The following USP10 variants were observed in gnomAD, a reference collection of about 807,000 sequenced individuals.
USP10 encodes ubiquitin carboxyl-terminal hydrolase 10.
Under a neutral mutation model 84.5 loss-of-function variants are expected in USP10, and 22 were observed. That is an observed-to-expected ratio of 0.26 (90% CI 0.19 to 0.37). USP10 has a LOEUF of 0.37. USP10 is among the 10% of genes least tolerant of loss of function. The pLI, the probability that USP10 is intolerant of heterozygous loss-of-function variation, is 1.00. For missense variants in USP10, 1,019 were observed against 998.9 expected (o/e 1.02, Z -0.27); for synonymous variants, 454 against 387.6 (o/e 1.17, Z -2.01).
intron 1 of USP10, among the ~76,000 whole-genome samples, chr16:84,703,774 G>A (rs768033312): frequency 1.3e-5 from 2 of 152,080 alleles, no homozygotes; most frequent in Non-Finnish European, 2.9e-5. Flanking sequence ...GCCAGTGGTC[G>A]CCTTAGTGGT....
intron 1 of USP10, among the ~76,000 whole-genome samples, chr16:84,712,843 C>G (rs1045763650): frequency 6.6e-6 from 1 of 152,154 alleles, no homozygotes; most frequent in East Asian, 1.9e-4. Context: ...ATTCCTTGGT[C>G]TCTTTCTCAG....
chr16:84,742,628 T>C lies in USP10; in HGVS notation c.152-2005T>C, dbSNP rs150528668. On this transcript the variant is annotated intron_variant, in intron 3 of 13. Coordinates refer to ENST00000219473, the MANE Select transcript of USP10 (RefSeq NM_005153.3). ...GTTTCCATCTTCCTAATGTATTGATTGGGTTGTTGAAGCCAAGCGTGCAGG... is the reference window on the plus strand; with the variant it reads ...GTTTCCATCTTCCTAATGTATTGATCGGGTTGTTGAAGCCAAGCGTGCAGG... Among the ~76,000 whole-genome samples, 421 of 152,278 alleles carry C rather than the reference T, an allele frequency of 2.8e-3. 3 individuals are homozygous for C. Among genetic ancestry groups the C allele is most frequent in the Non-Finnish European group, 5.0e-3 (338 of 68,020 alleles).
At chr16:84,756,226 C>T (rs542950585) in intron 4 of USP10, among the ~76,000 whole-genome samples, 109 of 152,342 alleles carry the variant, frequency 7.2e-4, no homozygotes, top group Admixed American at 1.3e-3. Context: ...CATCTCTGTG[C>T]CTTCCTTACC....
intron 3 of USP10, among the ~76,000 whole-genome samples, chr16:84,742,535 G>C (rs573038921): frequency 2.0e-4 from 31 of 152,228 alleles, no homozygotes; most frequent in Non-Finnish European, 2.9e-4. Flanking sequence ...GCAGTGAGCA[G>C]CCTTGGAGAA....
At chr16:84,754,105 G>C (rs1388661450) in intron 4 of USP10, among the ~76,000 whole-genome samples, 1 of 152,166 alleles carries the variant, frequency 6.6e-6, no homozygotes, top group Non-Finnish European at 1.5e-5. Context: ...GGAGCCTCCT[G>C]TCCAGAGAAG....
intron 4 of USP10, among the ~76,000 whole-genome samples, chr16:84,751,989 G>C (rs1203920904): frequency 6.6e-6 from 1 of 152,028 alleles, no homozygotes; most frequent in Non-Finnish European, 1.5e-5. Flanking sequence ...GCTGATTTGT[G>C]GCAGCCCTTG....
chr16:84,709,825 C>G (rs143726886), intron 1 of USP10, among the ~76,000 whole-genome samples: 558 of 152,264 alleles, frequency 3.7e-3, no homozygotes, highest in Admixed American at 6.7e-3. Context: ...GGAACTGTCT[C>G]AAAGCCTGCA....
chr16:84,715,130 A>T (rs2150768882), intron 1 of USP10, among the ~76,000 whole-genome samples: 1 of 152,180 alleles, frequency 6.6e-6, no homozygotes, highest in East Asian at 1.9e-4. Flanking sequence ...GGGTTTCACC[A>T]TATTGGCCGG....
intron 1 of USP10, among the ~76,000 whole-genome samples, chr16:84,724,679 G>T (rs892415775): frequency 6.6e-6 from 1 of 152,180 alleles, no homozygotes; most frequent in Non-Finnish European, 1.5e-5. Flanking sequence ...TCAGCTTGCA[G>T]TTGGCTTGCA....
At chr16:84,702,993 CAAAAAAAAA>C (rs1157728872) in intron 1 of USP10, among the ~76,000 whole-genome samples, 5 of 52,172 alleles carry the variant, frequency 9.6e-5, no homozygotes, top group Non-Finnish European at 1.4e-4. Flanking sequence ...ACTCCCGTCT[CAAAAAAAAA>C]AAAAAAAAAA....
chr16:84,775,289 C>T, intron 13 of USP10, 64 bp downstream of exon 13: 1 of 1,544,686 alleles, frequency 6.5e-7, no homozygotes, highest in Non-Finnish European at 8.9e-7. Context: ...TACAGCTGGG[C>T]ACAGGTTTGC....
intron 2 of USP10, among the ~76,000 whole-genome samples, chr16:84,739,614 A>G (rs1380205371): frequency 1.3e-5 from 2 of 152,202 alleles, no homozygotes; most frequent in African/African-American, 4.8e-5. Context: ...CATTGGAAGC[A>G]TTTCCAACTC....
intron 9 of USP10, 24 bp downstream of exon 9, chr16:84,763,112 A>G (rs774578250): frequency 3.3e-6 from 5 of 1,533,192 alleles, no homozygotes; most frequent in Non-Finnish European, 4.5e-6. Context: ...CACTTGCCGC[A>G]GAGTTGTGCA....
At chr16:84,735,520 C>G (rs577990223) in intron 2 of USP10, among the ~76,000 whole-genome samples, 4 of 152,150 alleles carry the variant, frequency 2.6e-5, no homozygotes, top group South Asian at 2.1e-4. Context: ...CATTTCTTTT[C>G]TCTTTCTTTT....
At position 84,735,196 on chromosome 16, in the gene USP10, GGTGTGTGTGT is replaced by G. The variant is rs34240400; in HGVS notation, c.90+1725_90+1734del. 3.2e-4 allele frequency among the ~76,000 whole-genome samples: 47 copies of G among 146,380 alleles called. 1 individual carries two copies. Among genetic ancestry groups the G allele is most frequent in the Middle Eastern group, 3.5e-3 (1 of 286 alleles). On this transcript the variant is annotated intron_variant, in intron 2 of 13. Transcript: ENST00000219473. ...CAGGTGTGTGCTGCCAGGCCCGGGT[GGTGTGTGTGT>G]GTGTGTGTGTGTGTGTGTGTGTGTG...
chr16:84,740,334 T>A lies in USP10; in HGVS notation c.116T>A (p.Leu39Gln), dbSNP rs1487892371. The change falls in exon 3 of 14, where the codon CTG (leucine) becomes CAG (glutamine). Residue 39 changes from leucine (L) to glutamine (Q), a missense_variant. Leu to Gln is a moderately radical substitution (Grantham distance 113). Transcript: ENST00000219473. ...VELPPYSGTV[L>Q]CGTQAVDKLP... ...CTTCCTCCATACAGTGGAACAGTTC[T>A]GTGTGGCACACAGGCTGTGGATAAA... 3 of 1,613,256 alleles carry A rather than the reference T, an allele frequency of 1.9e-6. No homozygotes were observed. Among genetic ancestry groups the A allele is most frequent in the Non-Finnish European group, 2.5e-6 (3 of 1,179,464 alleles).
chr16:84,730,331 G>C (rs911680495), intron 1 of USP10, among the ~76,000 whole-genome samples: 8 of 151,410 alleles, frequency 5.3e-5, no homozygotes, highest in African/African-American at 1.2e-4. Context: ...GTATTTTGAA[G>C]ATCTCTCGCT....
intron 10 of USP10, among the ~76,000 whole-genome samples, chr16:84,764,955 T>TATATATATA (rs59894880): frequency 1.4e-5 from 2 of 144,198 alleles, no homozygotes; most frequent in African/African-American, 2.6e-5. Context: ...TATATATATA[T>TATATATATA]TAGACTTCAT....
intron 9 of USP10, 65 bp downstream of exon 9, chr16:84,763,153 C>G (rs887881557): frequency 1.0e-6 from 1 of 984,100 alleles, no homozygotes; most frequent in Non-Finnish European, 1.6e-6. Flanking sequence ...GTTGCATACT[C>G]ATATGTTATG....
Sources: allele counts gnomAD v4.1 joint callset (sites outside exome capture counted in the v4.1 genomes callset), GRCh38; gene constraint gnomAD v4.1.1; transcripts MANE v1.5; gene names NCBI Gene and HGNC (gene_info 2026-07-23, HGNC 2026-07-21).